ATL1: variants seen among roughly 807,000 people sequenced by gnomAD.
ATL1 encodes the protein atlastin-1.
Under a neutral mutation model 75.5 loss-of-function variants are expected in ATL1, and 31 were observed. The ratio of observed to expected loss-of-function variants is 0.41; its 90% CI spans 0.31 to 0.55. The LOEUF (loss-of-function observed/expected upper bound fraction) is 0.55. Among genes scored for constraint, ATL1 ranks in the 20% least tolerant of loss-of-function variants. ATL1 has a pLI of 0.27. For missense variants in ATL1, 405 were observed against 662.6 expected, an observed-to-expected ratio of 0.61 and a Z score of 4.27; for synonymous variants, 226 against 233.3, an observed-to-expected ratio of 0.97 and a Z score of 0.28.
At chr14:50,599,290 C>T (rs1566726768) in intron 6 of ATL1, among the ~76,000 whole-genome samples, 1 of 152,092 alleles carries the variant, frequency 6.6e-6, no homozygotes, top group Non-Finnish European at 1.5e-5. Context: ...AGAAAGGAAA[C>T]CTGAATGGCT....
chr14:50,570,892 A>G (rs2038949265), intron 1 of ATL1, among the ~76,000 whole-genome samples: 1 of 152,088 alleles, frequency 6.6e-6, no homozygotes, highest in South Asian at 2.1e-4. Context: ...TTGTTGTAGG[A>G]TGTCTCCATG....
chr14:50,592,927 A>ATAT (rs1214718280), intron 4 of ATL1, among the ~76,000 whole-genome samples: 32 of 99,288 alleles, frequency 3.2e-4, no homozygotes, highest in South Asian at 2.7e-3. Flanking sequence ...AAAAAAAAAA[A>ATAT]AAATATATAT....
At chr14:50,627,768 A>T in intron 11 of ATL1, among the ~76,000 whole-genome samples, 1 of 152,164 alleles carries the variant, frequency 6.6e-6, no homozygotes, top group East Asian at 1.9e-4. Flanking sequence ...ATCTTGAAGG[A>T]CTTGGATTAA....
upstream of ATL1, among the ~76,000 whole-genome samples, chr14:50,557,292 C>T (rs1192926091): frequency 6.6e-6 from 1 of 152,182 alleles, no homozygotes; most frequent in Non-Finnish European, 1.5e-5. Context: ...TCCCTACTAC[C>T]CTCTTCCCAT....
intron 1 of ATL1, among the ~76,000 whole-genome samples, chr14:50,584,255 G>A (rs966145794): frequency 1.3e-5 from 2 of 152,122 alleles, no homozygotes; most frequent in Non-Finnish European, 2.9e-5. Flanking sequence ...GTGTGTGCCT[G>A]TAGTCCCATC....
At chr14:50,607,314 T>C (rs1214221536) in intron 6 of ATL1, among the ~76,000 whole-genome samples, 1 of 152,078 alleles carries the variant, frequency 6.6e-6, no homozygotes, top group African/African-American at 2.4e-5. Flanking sequence ...TAGTGAACTA[T>C]AGAGCTCTGC....
intron 1 of ATL1, among the ~76,000 whole-genome samples, chr14:50,546,528 A>G (rs1157253275): frequency 6.6e-6 from 1 of 152,230 alleles, no homozygotes; most frequent in Non-Finnish European, 1.5e-5. Context: ...AAGTTTGTGT[A>G]AATTTAGTAA....
At position 50,623,119 on chromosome 14, in the gene ATL1, G is replaced by A. The variant is rs75329155; in HGVS notation, c.1048-58G>A. On this transcript the variant is annotated intron_variant, in intron 10 of 13. Coordinates refer to ENST00000358385, the MANE Select transcript of ATL1 (RefSeq NM_015915.5). Reference sequence around the variant, plus strand: ...TGATGCTCTGAAATGTGAACTGCCTGTGGAAGTTTAATCAATATGAACTGC... The same window carrying A: ...TGATGCTCTGAAATGTGAACTGCCTATGGAAGTTTAATCAATATGAACTGC... 0.053 allele frequency: 76,146 copies of A among 1,439,802 alleles called. 2,693 individuals are homozygous for A. The highest frequency in any genetic ancestry group is 0.16 in the African/African-American group (11,701 of 71,846). 89.2% of individuals were successfully genotyped at this position (1,439,802 alleles called of 1,614,324 possible).
At chr14:50,612,046 A>G (rs1322044069) in intron 6 of ATL1, among the ~76,000 whole-genome samples, 1 of 152,216 alleles carries the variant, frequency 6.6e-6, no homozygotes, top group Non-Finnish European at 1.5e-5. Flanking sequence ...CATTATTCAC[A>G]TAATGGGAAA....
At position 50,627,982 on chromosome 14, in the gene ATL1, C is replaced by A. The variant is rs775488823; in HGVS notation, c.1120-49C>A. The A allele has an allele frequency of 2.5e-6, 4 of 1,596,356 alleles. No individual in the cohort carries two copies. The South Asian group carries it at 4.4e-5, about 18-fold the overall frequency. ...TAAGTGAAAAATTTTGATACAGTTG[C>A]CAATTTTACTCTGCATTGCATAAAC... On this transcript the variant is annotated intron_variant, in intron 11 of 13. Transcript: ENST00000358385.
intron 1 of ATL1, among the ~76,000 whole-genome samples, chr14:50,537,512 A>C (rs2038509799): frequency 6.6e-6 from 1 of 152,164 alleles, no homozygotes; most frequent in Non-Finnish European, 1.5e-5. Flanking sequence ...CCTCCAGATC[A>C]CAGAATGGTG....
chr14:50,582,990 G>A (rs1010804291), intron 1 of ATL1, among the ~76,000 whole-genome samples: 1 of 152,106 alleles, frequency 6.6e-6, no homozygotes, highest in African/African-American at 2.4e-5. Context: ...GAGATTATTT[G>A]ATAAAATTCA....
upstream of ATL1, chr14:50,559,499 T>C (rs923556531): frequency 1.2e-4 from 19 of 152,238 alleles, no homozygotes; most frequent in Admixed American, 5.9e-4. Flanking sequence ...ACCCAGACTA[T>C]GTAGTATGAT....
chr14:50,615,329 G>A (rs2039404736), intron 8 of ATL1, among the ~76,000 whole-genome samples: 1 of 152,186 alleles, frequency 6.6e-6, no homozygotes, highest in Non-Finnish European at 1.5e-5. Context: ...TGCCAGGAGT[G>A]AGACAGTGGC....
At chr14:50,540,012 T>C (rs1188570113) in intron 1 of ATL1, among the ~76,000 whole-genome samples, 1 of 152,066 alleles carries the variant, frequency 6.6e-6, no homozygotes, top group Non-Finnish European at 1.5e-5. Context: ...TTTCAAGGCA[T>C]TGAATGAGGG....
chr14:50,629,582 C>CAAAA (rs1385722553), intron 12 of ATL1, among the ~76,000 whole-genome samples: 5 of 138,118 alleles, frequency 3.6e-5, no homozygotes, highest in Admixed American at 7.0e-5. Flanking sequence ...GCTCCATCTC[C>CAAAA]CAAAAAAAAA....
chr14:50,623,275 T>C lies in ATL1; in HGVS notation c.1119+27T>C, dbSNP rs1383419341. 3 of 1,580,520 alleles carry C rather than the reference T, an allele frequency of 1.9e-6. No individual in the cohort carries two copies. The East Asian group carries it at 6.7e-5, about 35-fold the overall frequency. On this transcript the variant is annotated intron_variant, in intron 11 of 13. Coordinates refer to ENST00000358385, the MANE Select transcript of ATL1 (RefSeq NM_015915.5). ...TAAGAGTTAAATATTTTAAATTCTG[T>C]CTTAAACAAAACCAGTATCCTTCAT...
chr14:50,566,802 G>A (rs2038907984), intron 1 of ATL1, among the ~76,000 whole-genome samples: 1 of 152,010 alleles, frequency 6.6e-6, no homozygotes. Flanking sequence ...CAGACATTAT[G>A]TATTTAAACG....
intron 6 of ATL1, among the ~76,000 whole-genome samples, chr14:50,604,566 C>A (rs2039299694): frequency 6.6e-6 from 1 of 152,098 alleles, no homozygotes; most frequent in Admixed American, 6.6e-5. Flanking sequence ...TATTAGATAT[C>A]CAGTATTGTC....
Sources: allele counts gnomAD v4.1 joint callset (sites outside exome capture counted in the v4.1 genomes callset), GRCh38; gene constraint gnomAD v4.1.1; transcripts MANE v1.5; gene names NCBI Gene and HGNC (gene_info 2026-07-23, HGNC 2026-07-21).